Variants in KANK1 observed in about 807,000 individuals in gnomAD.
The protein encoded by KANK1 is KN motif and ankyrin repeat domain-containing protein 1.
A neutral mutation model predicts 106.2 loss-of-function variants in KANK1; 109 were observed. The observed-to-expected ratio is 1.03, with a 90% CI of 0.88 to 1.20. KANK1 has a LOEUF of 1.20. Among genes scored for constraint, KANK1 ranks in the 50% most tolerant of loss-of-function variants. KANK1 has a pLI of 0.00. For missense variants in KANK1, 2,399 were observed against 1,710.7 expected (o/e 1.40, Z -7.10); for synonymous variants, 873 against 652.2 (o/e 1.34, Z -5.16).
rs537049454 is a variant in KANK1 at position 726,174 on chromosome 9, T to C, written c.2699-3877T>C. ...CATGAGTCAAACAAAAGACTTCAGA[T>C]TCAGATCAATTCTGGTGTGCTAGGG... On this transcript the variant is annotated intron_variant, in intron 3 of 11. Coordinates refer to ENST00000382297, the MANE Select transcript of KANK1 (RefSeq NM_015158.5). Among the ~76,000 whole-genome samples, 9 of 150,816 alleles carry C rather than the reference T, an allele frequency of 6.0e-5. No homozygotes were observed. In the East Asian group the frequency reaches 1.8e-3, roughly 30 times the overall value.
chr9:626,449 C>T (rs571431653), intron 1 of KANK1, among the ~76,000 whole-genome samples: 1 of 151,748 alleles, frequency 6.6e-6, no homozygotes, highest in African/African-American at 2.4e-5. Flanking sequence ...CAAAAAAAAG[C>T]TGTGCCAATA....
rs545721118 is a variant in KANK1 at position 707,296 on chromosome 9, G to T, written c.38-3508G>T. The T allele has an allele frequency of 3.3e-3, 3,017 of 924,940 alleles. 3 individuals carry two copies. Among genetic ancestry groups the T allele is most frequent in the Non-Finnish European group, 3.7e-3 (2,868 of 774,646 alleles). The allele number at this position is 924,940 out of a possible 1,614,324, so 57.3% of individuals were successfully genotyped here. A position where few individuals can be genotyped will look rare whatever the true frequency, so the allele number is the denominator to read the frequency against. The stretch of plus-strand genomic sequence containing the variant: ...GGGCGGCCACCGCTGGCCGAATTCC[G>T]GGGGGCCTGGGCGAGGGGGGCCGGC... On this transcript the variant is annotated intron_variant, in intron 2 of 11. Coordinates refer to ENST00000382297, the MANE Select transcript of KANK1 (RefSeq NM_015158.5).
At chr9:550,874 G>A (rs2061239910) in intron 1 of KANK1, among the ~76,000 whole-genome samples, 1 of 151,896 alleles carries the variant, frequency 6.6e-6, no homozygotes, top group Non-Finnish European at 1.5e-5. Context: ...CTTTTTCCCA[G>A]ACTCCAGAAT....
intron 1 of KANK1, among the ~76,000 whole-genome samples, chr9:604,553 C>T (rs961615650): frequency 2.6e-5 from 4 of 151,758 alleles, no homozygotes; most frequent in African/African-American, 7.3e-5. Context: ...GTTTCCTGGC[C>T]GGGTGCAGTG....
At position 693,690 on chromosome 9, in the gene KANK1, C is replaced by T. The variant is rs1023446826; in HGVS notation, c.37+16681C>T. The stretch of plus-strand genomic sequence containing the variant: ...TCTGCAACAGCTCCTGGGCTCTTTG[C>T]CTGCTAATGTGTGGAGTCCCTTTAA... On this transcript the variant is annotated intron_variant, in intron 2 of 11. Coordinates refer to ENST00000382297, the MANE Select transcript of KANK1 (RefSeq NM_015158.5). 1.5e-5 allele frequency: 15 copies of T among 985,178 alleles called. No homozygotes were observed. In the African/African-American group the frequency reaches 2.1e-4, roughly 14 times the overall value. 61.0% of individuals were successfully genotyped at this position (985,178 alleles called of 1,614,324 possible).
rs763240258 is a variant in KANK1 at position 711,381 on chromosome 9, C to T, written c.615C>T (p.His205=). 1 of 1,614,030 alleles carries T rather than the reference C, an allele frequency of 6.2e-7. No homozygotes were observed. The highest frequency in any genetic ancestry group is 1.3e-5 in the African/African-American group (1 of 74,918). The stretch of plus-strand genomic sequence containing the variant: ...CTTCTTTTGTGGGTTCTGGAAACCA[C>T]AATCCTGCCAAGCACCAGCTTCAGA... ...SLPSFVGSGN[H]NPAKHQLQNG... The change falls in exon 3 of 12, where the codon CAC becomes CAT. Residue 205 remains histidine (H), a synonymous_variant. Coordinates refer to ENST00000382297, the MANE Select transcript of KANK1 (RefSeq NM_015158.5).
chr9:644,064 G>T (rs1422235304), intron 1 of KANK1, among the ~76,000 whole-genome samples: 5 of 150,908 alleles, frequency 3.3e-5, no homozygotes, highest in African/African-American at 9.9e-5. Flanking sequence ...GTCATTAGAA[G>T]CATGATTTGT....
intron 1 of KANK1, among the ~76,000 whole-genome samples, chr9:603,889 G>T (rs1399504653): frequency 6.7e-6 from 1 of 148,758 alleles, no homozygotes; most frequent in African/African-American, 2.5e-5. Context: ...AACCCGGGAG[G>T]CAGAGGTTGC....
chr9:670,017 G>C (rs1459464999), intron 1 of KANK1, among the ~76,000 whole-genome samples: 3 of 151,998 alleles, frequency 2.0e-5, no homozygotes, highest in Non-Finnish European at 2.9e-5. Flanking sequence ...GCTGTTGAGA[G>C]CCTCCAATAA....
In KANK1 at chr9:732,592, C is replaced by T. The variant is rs1206990273; in HGVS notation, c.3220C>T (p.Pro1074Ser). 41 of 1,613,916 alleles carry T rather than the reference C, an allele frequency of 2.5e-5. No homozygotes were observed. The Admixed American group carries it at 6.2e-4, about 24-fold the overall frequency. Reference protein sequence around the residue: ...EDEMQVQECEPEKVEIRERYE... With the variant: ...EDEMQVQECESEKVEIRERYE... Reference sequence around the variant, plus strand: ...TGAAATGCAGGTTCAAGAATGTGAACCTGAGAAGGTGGAAATCAGAGAGAG... The same window carrying T: ...TGAAATGCAGGTTCAAGAATGTGAATCTGAGAAGGTGGAAATCAGAGAGAG... The change falls in exon 6 of 12, where the codon CCT (proline) becomes TCT (serine). Residue 1074 changes from proline (P) to serine (S), a missense_variant. Transcript: ENST00000382297.
intron 3 of KANK1, among the ~76,000 whole-genome samples, chr9:726,776 A>G (rs1013930472): frequency 2.6e-5 from 4 of 151,468 alleles, no homozygotes; most frequent in African/African-American, 9.7e-5. Flanking sequence ...CCTGGCCAAC[A>G]TGGTAAAACC....
intron 2 of KANK1, among the ~76,000 whole-genome samples, chr9:678,134 A>C (rs1816774790): frequency 6.6e-6 from 1 of 152,100 alleles, no homozygotes; most frequent in South Asian, 2.1e-4. Context: ...AGATAAACTC[A>C]GTTATTTGTT....
intron 1 of KANK1, among the ~76,000 whole-genome samples, chr9:672,060 G>C (rs150489100): frequency 6.6e-6 from 1 of 152,170 alleles, no homozygotes; most frequent in African/African-American, 2.4e-5. Flanking sequence ...TCTACCTTAC[G>C]TATATGCATC....
chr9:582,347 G>A (rs10491600), intron 1 of KANK1, among the ~76,000 whole-genome samples: 8,181 of 152,188 alleles, frequency 0.054, 739 homozygotes, highest in African/African-American at 0.18. Context: ...CTGTTATTCC[G>A]TAAGAGTAGC....
chr9:704,671 T>C (rs906874885), intron 2 of KANK1, among the ~76,000 whole-genome samples: 8 of 152,094 alleles, frequency 5.3e-5, no homozygotes, highest in East Asian at 1.9e-4. Context: ...CAGAGACTTC[T>C]TGTAATATAT....
chr9:598,420 G>C (rs1826769778), intron 1 of KANK1, among the ~76,000 whole-genome samples: 1 of 151,242 alleles, frequency 6.6e-6, no homozygotes. Context: ...TTTTGATAAG[G>C]AGTACATTGA....
intron 3 of KANK1, among the ~76,000 whole-genome samples, chr9:473,887 A>G (rs2058061482): frequency 1.3e-5 from 2 of 152,098 alleles, no homozygotes; most frequent in African/African-American, 4.8e-5. Flanking sequence ...TTTAGTAGAG[A>G]CAGGGTTTCA....
upstream of KANK1, among the ~76,000 whole-genome samples, chr9:502,523 G>A (rs1357675990): frequency 7.1e-6 from 1 of 141,368 alleles, no homozygotes; most frequent in African/African-American, 3.1e-5. Context: ...TGGGGATGGA[G>A]AGCACTTTTT....
intron 1 of KANK1, among the ~76,000 whole-genome samples, chr9:577,710 C>G (rs1820953339): frequency 6.6e-6 from 1 of 152,196 alleles, no homozygotes; most frequent in Non-Finnish European, 1.5e-5. Flanking sequence ...CACCCCAAAC[C>G]TCTTGAATCA....
Sources: allele counts gnomAD v4.1 joint callset (sites outside exome capture counted in the v4.1 genomes callset), GRCh38; gene constraint gnomAD v4.1.1; transcripts MANE v1.5; gene names NCBI Gene and HGNC (gene_info 2026-07-23, HGNC 2026-07-21).